Variants in GCDH observed in about 807,000 individuals in gnomAD.
GCDH encodes the protein glutaryl-CoA dehydrogenase, mitochondrial.
GCDH carries 31 observed loss-of-function variants against 52.8 expected under a neutral mutation model. The observed-to-expected ratio is 0.59, with a 90% CI of 0.44 to 0.79. The LOEUF (loss-of-function observed/expected upper bound fraction) is 0.79. Ranked by LOEUF, GCDH falls within the 30% of genes least tolerant of loss-of-function variation. The probability of loss-of-function intolerance (pLI) is 0.00; values close to 1 mark genes in which losing one functional copy is unlikely to be tolerated. For synonymous variants in GCDH, 242 were observed against 250.0 expected (o/e 0.97, Z 0.30); for missense variants, 509 against 595.0 (o/e 0.86, Z 1.50).
In GCDH at chr19:12,899,620, T is replaced by C; in HGVS notation, c.*79T>C. The C allele has an allele frequency of 1.2e-6, 2 of 1,612,948 alleles. No individual in the cohort carries two copies. The highest frequency in any genetic ancestry group is 1.1e-5 in the South Asian group (1 of 90,888). On this transcript the variant is annotated 3_prime_UTR_variant, in exon 12 of 12. Coordinates refer to ENST00000222214, the MANE Select transcript of GCDH (RefSeq NM_000159.4). ...GCTGGACCGTAGGAGCGCTGTGCTCTGAGCTTAGAAAGGGAGGTGGCGGAT... is the reference window on the plus strand; with the variant it reads ...GCTGGACCGTAGGAGCGCTGTGCTCCGAGCTTAGAAAGGGAGGTGGCGGAT...
In GCDH at chr19:12,891,166, A is replaced by T; in HGVS notation, c.-71A>T. 1.4e-6 allele frequency: 1 copy of T among 699,236 alleles called. No individual in the cohort carries two copies. Among genetic ancestry groups the T allele is most frequent in the Admixed American group, 2.1e-5 (1 of 48,134 alleles). 43.3% of individuals were successfully genotyped at this position (699,236 alleles called of 1,614,324 possible). ...GAGGTCAAAGGCCTGCGTCAGTTGC[A>T]CTGTAGCCTCGGCAGTGAACCGGGA... is the stretch of plus-strand genomic sequence containing the variant. On this transcript the variant is annotated 5_prime_UTR_variant, in exon 1 of 12. Coordinates refer to ENST00000222214, the MANE Select transcript of GCDH (RefSeq NM_000159.4).
At chr19:12,892,769 G>T (rs1970589364) in intron 5 of GCDH, among the ~76,000 whole-genome samples, 1 of 151,596 alleles carries the variant, frequency 6.6e-6, no homozygotes, top group Non-Finnish European at 1.5e-5. Flanking sequence ...TTTTAGTAGA[G>T]GTGGGGTTTC....
In GCDH at chr19:12,896,439, T is replaced by A. The variant is rs748717023; in HGVS notation, c.852+18T>A. 4 of 1,584,616 alleles carry A rather than the reference T, an allele frequency of 2.5e-6. No homozygotes were observed. The South Asian group carries it at 4.5e-5, about 18-fold the overall frequency. On this transcript the variant is annotated intron_variant, in intron 8 of 11. Transcript: ENST00000222214. This position sits in a 1 kb window ranked among gnomAD's most constrained non-coding sequence, Gnocchi z 5.5. ...GCCTGGGGGTAAGTGGCAGCCACTT[T>A]GGGAATGGGTGTTGGGTCACCTGCG...
intron 6 of GCDH, among the ~76,000 whole-genome samples, chr19:12,895,580 T>G (rs987281540): frequency 5.3e-5 from 8 of 151,470 alleles, no homozygotes; most frequent in African/African-American, 1.7e-4. Flanking sequence ...GTATTTTTAG[T>G]AGAGATGGGG....
At chr19:12,897,451 G>A (rs369687560) in intron 10 of GCDH, 23 bp downstream of exon 10, 27 of 1,609,698 alleles carry the variant, frequency 1.7e-5, no homozygotes, top group South Asian at 3.3e-5. Flanking sequence ...TGGTGGGGGC[G>A]GGGGGATGGC....
chr19:12,891,809 C>A (rs200145853), intron 3 of GCDH, 22 bp from the exon 4 acceptor site: 1 of 1,613,072 alleles, frequency 6.2e-7, no homozygotes, highest in African/African-American at 1.3e-5. Flanking sequence ...CGGACTGGAC[C>A]GAGGCGAATT....
Position 12,896,047 on chromosome 19 carries a change from C to A in GCDH, c.561C>A (p.Asp187Glu), listed in dbSNP as rs377580992. Residue 187 changes from aspartate (D) to glutamate (E), a missense_variant, in exon 7 of 12, where the codon GAC (aspartate) becomes GAA (glutamate). Physicochemically the swap from Asp to Glu is conservative, Grantham distance 45. Transcript: ENST00000222214. The surrounding 1 kb of genome is among the most constrained non-coding windows in gnomAD (Gnocchi z 5.5). Reference sequence around the variant, plus strand: ...TCACAGAGCCCAACAGCGGAAGTGACCCCAGCAGCATGGAGACCAGAGCCC... The same window carrying A: ...TCACAGAGCCCAACAGCGGAAGTGAACCCAGCAGCATGGAGACCAGAGCCC... ...FGLTEPNSGS[D>E]PSSMETRAHY... is the part of the protein sequence containing the mutation. The A allele has an allele frequency of 6.2e-7, 1 of 1,613,910 alleles. No individual in the cohort carries two copies. The highest frequency in any genetic ancestry group is 8.5e-7 in the Non-Finnish European group (1 of 1,179,950).
Position 12,892,218 on chromosome 19 carries a change from G to A in GCDH, c.334+40G>A, listed in dbSNP as rs150968475. The A allele has an allele frequency of 2.1e-4, 321 of 1,532,362 alleles. No homozygotes were observed. In the African/African-American group the frequency reaches 3.8e-3, roughly 18 times the overall value. The allele number at this position is 1,532,362 out of a possible 1,614,324, so 94.9% of individuals were successfully genotyped here. On this transcript the variant is annotated intron_variant, in intron 5 of 11. Coordinates refer to ENST00000222214, the MANE Select transcript of GCDH (RefSeq NM_000159.4). The stretch of plus-strand genomic sequence containing the variant: ...CTCTCCACACACTGCAGAACCCTCT[G>A]TATTCTGAAAGCCTCTTCCTCCTTC...
At chr19:12,894,046 CA>C (rs1568426371) in intron 6 of GCDH, 11 of 649,812 alleles carry the variant, frequency 1.7e-5, no homozygotes, top group South Asian at 1.5e-4. Context: ...ATTAGAAAAA[CA>C]AAAAAAGGAA....
At chr19:12,893,454 G>T (rs1423148258) in intron 5 of GCDH, 29 bp from the exon 6 acceptor site, 4 of 1,606,416 alleles carry the variant, frequency 2.5e-6, no homozygotes, top group Non-Finnish European at 3.4e-6. Context: ...GTTCTCTATT[G>T]TCCTGCTTTC....
Position 12,899,595 on chromosome 19 carries a change from G to C in GCDH, c.*54G>C, listed in dbSNP as rs989694823. The C allele has an allele frequency of 3.7e-6, 6 of 1,613,692 alleles. No individual in the cohort carries two copies. Among genetic ancestry groups the C allele is most frequent in the Non-Finnish European group, 5.1e-6 (6 of 1,179,884 alleles). ...AAGCCCCTTTCTGGAGAGATGCCTG[G>C]CTGGACCGTAGGAGCGCTGTGCTCT... On this transcript the variant is annotated 3_prime_UTR_variant, in exon 12 of 12. Coordinates refer to ENST00000222214, the MANE Select transcript of GCDH (RefSeq NM_000159.4).
chr19:12,894,283 G>A (rs878992343), intron 6 of GCDH: 13 of 863,216 alleles, frequency 1.5e-5, no homozygotes, highest in East Asian at 4.9e-5. Context: ...TTACGTGGTC[G>A]GAATCAGTGG....
chr19:12,894,895 CAAAT>C (rs1970638198), intron 6 of GCDH: 1 of 271,266 alleles, frequency 3.7e-6, no homozygotes, highest in Non-Finnish European at 7.1e-6. Flanking sequence ...TTTTGAGTAA[CAAAT>C]AAGATCAGAT....
At chr19:12,898,502 C>G (rs1970747154) in intron 11 of GCDH, 1 of 154,976 alleles carries the variant, frequency 6.5e-6, no homozygotes, top group Non-Finnish European at 1.4e-5. Context: ...CTTGCAACCC[C>G]AGATCTTGTC....
Position 12,896,394 on chromosome 19 carries a change from T to A in GCDH, c.825T>A (p.Asn275Lys), listed in dbSNP as rs773429286. 2.5e-6 allele frequency: 4 copies of A among 1,613,754 alleles called. No individual in the cohort carries two copies. The highest frequency in any genetic ancestry group is 3.4e-6 in the Non-Finnish European group (4 of 1,179,934). The part of the protein sequence containing the change: ...IMDGVEVPEE[N>K]VLPGASSLGG... ...ACGGTGTGGAGGTGCCAGAGGAGAA[T>A]GTGCTCCCTGGTGCATCCAGCCTGG... Residue 275 changes from asparagine to lysine, a missense_variant, in exon 8 of 12, where the codon AAT (asparagine) becomes AAA (lysine). Transcript: ENST00000222214. This position sits in a 1 kb window ranked among gnomAD's most constrained non-coding sequence, Gnocchi z 5.5.
rs771650894 is a variant in GCDH at position 12,896,366 on chromosome 19, T to C, written c.797T>C (p.Met266Thr). ...GCCTCAGCCACAGGCATGATCATCA[T>C]GGACGGTGTGGAGGTGCCAGAGGAG... is the stretch of plus-strand genomic sequence containing the variant. ...LRASATGMII[M>T]DGVEVPEENV... is the part of the protein sequence containing the mutation. The change falls in exon 8 of 12, where the codon ATG becomes ACG. Residue 266 changes from methionine (M) to threonine (T), a missense_variant. Physicochemically the swap from Met to Thr is moderately conservative, Grantham distance 81 (BLOSUM62 -1). Transcript: ENST00000222214. The surrounding 1 kb of genome is among the most constrained non-coding windows in gnomAD (Gnocchi z 5.5). The C allele has an allele frequency of 6.2e-7, 1 of 1,614,104 alleles. No individual in the cohort carries two copies. Among genetic ancestry groups the C allele is most frequent in the Admixed American group, 1.7e-5 (1 of 60,014 alleles).
chr19:12,895,939 A>T (rs1970664911), intron 6 of GCDH, 53 bp from the exon 7 acceptor site: 1 of 1,609,630 alleles, frequency 6.2e-7, no homozygotes, highest in Non-Finnish European at 8.5e-7. Flanking sequence ...ATTTTTGAGT[A>T]AGGGGATGTA....
chr19:12,891,418 G>C (rs1231612113), intron 2 of GCDH, 23 bp downstream of exon 2: 1 of 1,614,182 alleles, frequency 6.2e-7, no homozygotes, highest in Non-Finnish European at 8.5e-7. Context: ...TCGGGAGTGT[G>C]GAGGGAAGGA....
In GCDH at chr19:12,899,979, G is replaced by A; in HGVS notation, c.*438G>A. ...AGACCTGCACATCTGACCCCAAGGT[G>A]TCAGGCCGGTTTACTGGTAACCACC... On this transcript the variant is annotated 3_prime_UTR_variant, in exon 12 of 12. Coordinates refer to ENST00000222214, the MANE Select transcript of GCDH (RefSeq NM_000159.4). The A allele has an allele frequency of 6.2e-7, 1 of 1,612,904 alleles. No individual in the cohort carries two copies. Among genetic ancestry groups the A allele is most frequent in the Non-Finnish European group, 8.5e-7 (1 of 1,179,952 alleles).
Sources: allele counts gnomAD v4.1 joint callset (sites outside exome capture counted in the v4.1 genomes callset), GRCh38; gene constraint gnomAD v4.1.1; non-coding constraint Gnocchi (gnomAD v3.1); transcripts MANE v1.5; gene names NCBI Gene and HGNC (gene_info 2026-07-23, HGNC 2026-07-21).